Variants in ADCY3 observed in about 807,000 individuals in gnomAD.
ADCY3 encodes adenylate cyclase 3.
Under a neutral mutation model 119.4 loss-of-function variants are expected in ADCY3, and 70 were observed. That is an observed-to-expected ratio of 0.59 (90% confidence interval 0.48 to 0.72). The LOEUF is 0.72. Among genes scored for constraint, ADCY3 ranks in the 30% least tolerant of loss-of-function variants. The probability of loss-of-function intolerance (pLI) is 0.00; values close to 1 mark genes in which losing one functional copy is unlikely to be tolerated. For missense variants in ADCY3, 1,238 were observed against 1,541.6 expected, an observed-to-expected ratio of 0.80 and a Z score of 3.30; for synonymous variants, 672 against 621.4, an observed-to-expected ratio of 1.08 and a Z score of -1.21.
chr2:24,841,278 C>A lies in ADCY3; in HGVS notation c.1177G>T (p.Ala393Ser). 1 of 1,565,896 alleles carries A rather than the reference C, an allele frequency of 6.4e-7. No individual in the cohort carries two copies. The highest frequency in any genetic ancestry group is 8.7e-7 in the Non-Finnish European group (1 of 1,155,684). Reference sequence around the variant, plus strand: ...ACTTACGAGATGGCCTCCACCATGGCCAGCCCCATGAGGATGGAGCAGACG... The same window carrying A: ...ACTTACGAGATGGCCTCCACCATGGACAGCCCCATGAGGATGGAGCAGACG... ...HAVCSILMGL[A>S]MVEAISYVRE... The change falls in exon 6 of 22, where the codon GCC becomes TCC. Residue 393 changes from alanine (A) to serine (S), a missense_variant. Around this residue, in one of 7 missense-constraint regions of ADCY3, gnomAD observed 283 missense variants for 437.2 expected, o/e 0.65. Transcript: ENST00000679454. This position sits in a 1 kb window ranked among gnomAD's most constrained non-coding sequence, Gnocchi z 5.8.
intron 11 of ADCY3, chr2:24,832,230 G>A (rs115834792): frequency 0.032 from 5,233 of 162,976 alleles, 252 homozygotes; most frequent in African/African-American, 0.12. Context: ...GCCTGGGAGC[G>A]GGCCACTCTC....
At chr2:24,903,914 T>C (rs1679185419) in intron 2 of ADCY3, among the ~76,000 whole-genome samples, 1 of 152,098 alleles carries the variant, frequency 6.6e-6, no homozygotes, top group African/African-American at 2.4e-5. Context: ...TAACCCCAGG[T>C]TCTCCATATG....
chr2:24,824,182 G>T (rs1225473368), intron 17 of ADCY3, among the ~76,000 whole-genome samples, 196 bp downstream of exon 17: 1 of 152,208 alleles, frequency 6.6e-6, no homozygotes. Context: ...ACATCACGAT[G>T]CCTACAGCAG....
At chr2:24,890,574 G>A (rs1677543274) in intron 2 of ADCY3, among the ~76,000 whole-genome samples, 1 of 152,192 alleles carries the variant, frequency 6.6e-6, no homozygotes, top group African/African-American at 2.4e-5. Context: ...GTCGTTCAAT[G>A]TATTGGCACA....
intron 16 of ADCY3, among the ~76,000 whole-genome samples, chr2:24,824,913 G>A (rs773509064): frequency 1.2e-4 from 18 of 152,134 alleles, no homozygotes; most frequent in Non-Finnish European, 2.1e-4. Flanking sequence ...AAACAGGAAC[G>A]TGAATGGAGG....
rs1670794524 is a variant in ADCY3 at position 24,839,885 on chromosome 2, C to T, written c.1343G>A (p.Gly448Asp). ...GAATGGCACTCACCCAGGGATGCCG[C>T]CGGCCTCCATCTTGTTGGCTACAGT... The part of the protein sequence containing the change: ...DVTVANKMEA[G>D]GIPGRVHISQ... Residue 448 changes from glycine to aspartate, a missense_variant, in exon 7 of 22, where the codon GGC (glycine) becomes GAC (aspartate). Coordinates refer to ENST00000679454, the MANE Select transcript of ADCY3 (RefSeq NM_004036.5). 1.2e-6 allele frequency: 2 copies of T among 1,613,864 alleles called. No homozygotes were observed. Among genetic ancestry groups the T allele is most frequent in the Non-Finnish European group, 1.7e-6 (2 of 1,180,010 alleles).
rs1028819647 is a variant in ADCY3, at chr2:24,841,904, C to T, written c.957-237G>A. 6.6e-6 allele frequency among the ~76,000 whole-genome samples: 1 copy of T among 152,184 alleles called. No individual in the cohort carries two copies. Among genetic ancestry groups the T allele is most frequent in the African/African-American group, 2.4e-5 (1 of 41,460 alleles). On this transcript the variant is annotated intron_variant, in intron 4 of 21. Transcript: ENST00000679454. The surrounding 1 kb of genome is among the most constrained non-coding windows in gnomAD (Gnocchi z 5.8). ...CCCTCCCTGTGGTGCCTGGGGACCA[C>T]CCCACACTGCCCACTCCTGCCCAGG...
intron 3 of ADCY3, among the ~76,000 whole-genome samples, chr2:24,852,078 T>G (rs1379616145): frequency 6.6e-6 from 1 of 152,106 alleles, no homozygotes; most frequent in Non-Finnish European, 1.5e-5. Flanking sequence ...TGTAACATAG[T>G]AAGGCCCTGA....
chr2:24,865,440 T>C (rs1036054181), intron 3 of ADCY3, among the ~76,000 whole-genome samples: 5 of 150,658 alleles, frequency 3.3e-5, no homozygotes, highest in Non-Finnish European at 5.9e-5. Context: ...AGACTCTGTC[T>C]CAAAAAAAGA....
At chr2:24,822,759 T>G (rs1667970092) in intron 18 of ADCY3, 129 bp from the exon 19 acceptor site, 29 of 1,274,294 alleles carry the variant, frequency 2.3e-5, no homozygotes, top group Non-Finnish European at 3.1e-5. Context: ...AAGTTGTTAC[T>G]TAGTCTACCG....
At chr2:24,829,306 C>T (rs75579321) in intron 13 of ADCY3, among the ~76,000 whole-genome samples, 3 of 151,388 alleles carry the variant, frequency 2.0e-5, no homozygotes, top group Non-Finnish European at 2.9e-5. Context: ...TGTGAGCCAC[C>T]GCGCCCGGCC....
intron 3 of ADCY3, among the ~76,000 whole-genome samples, chr2:24,858,491 G>C (rs1224043156): frequency 6.6e-6 from 1 of 152,210 alleles, no homozygotes; most frequent in African/African-American, 2.4e-5. Context: ...GGAAGTGCCA[G>C]CTGGTAAATG....
chr2:24,832,650 T>G (rs1281217422), intron 11 of ADCY3, among the ~76,000 whole-genome samples: 1 of 152,210 alleles, frequency 6.6e-6, no homozygotes. Flanking sequence ...CTTGGTTTCT[T>G]GAGTCCTTTT....
rs905068059 is a variant in ADCY3 at position 24,834,746 on chromosome 2, A to G, written c.1805+48T>C. 7.5e-6 allele frequency: 12 copies of G among 1,600,812 alleles called. No individual in the cohort carries two copies. The Admixed American group carries it at 1.7e-4, about 22-fold the overall frequency. On this transcript the variant is annotated intron_variant, in intron 10 of 21. Transcript: ENST00000679454. This position sits in a 1 kb window ranked among gnomAD's most constrained non-coding sequence, Gnocchi z 4.2. The stretch of plus-strand genomic sequence containing the variant: ...TGCTCAGTTTCCTGAATCCCTTGTC[A>G]GGGCCCGGGAGGAGTGGTGGGCCTG...
chr2:24,830,874 T>G (rs1669395574), intron 12 of ADCY3, 49 bp from the exon 13 acceptor site: 1 of 1,443,124 alleles, frequency 6.9e-7, no homozygotes, highest in South Asian at 1.2e-5. Context: ...CAGTCCTTTC[T>G]CCTGCGACGT....
chr2:24,853,104 C>T (rs1019445800), intron 3 of ADCY3, among the ~76,000 whole-genome samples: 1 of 147,592 alleles, frequency 6.8e-6, no homozygotes, highest in African/African-American at 2.5e-5. Flanking sequence ...GAAGAGTCTA[C>T]CTACTAAAGG....
intron 3 of ADCY3, among the ~76,000 whole-genome samples, chr2:24,867,301 T>C (rs1674423016): frequency 6.6e-6 from 1 of 152,236 alleles, no homozygotes; most frequent in Non-Finnish European, 1.5e-5. Context: ...CAGCCTAGAA[T>C]TATCTGCAAA....
At position 24,920,174 on chromosome 2, in the gene ADCY3, G is replaced by C. The variant is rs1329869285; in HGVS notation, c.-689C>G. Reference sequence around the variant, plus strand: ...GCGCCGAGCCGAGCCAGCCGAGTCCGGGCTCGGCGTGCTGCACAGCTATTC... The same window carrying C: ...GCGCCGAGCCGAGCCAGCCGAGTCCCGGCTCGGCGTGCTGCACAGCTATTC... On this transcript the variant is annotated 5_prime_UTR_variant, in exon 1 of 22. Coordinates refer to ENST00000679454, the MANE Select transcript of ADCY3 (RefSeq NM_004036.5). This position sits in a 1 kb window ranked among gnomAD's most constrained non-coding sequence, Gnocchi z 4.5. Among the ~76,000 whole-genome samples, 1 of 145,930 alleles carries C rather than the reference G, an allele frequency of 6.9e-6. No individual in the cohort carries two copies. Among genetic ancestry groups the C allele is most frequent in the African/African-American group, 2.5e-5 (1 of 40,640 alleles).
rs1558416178 is a variant in ADCY3 at position 24,830,736 on chromosome 2, G to A, written c.2145C>T (p.Ile715=). The part of the protein sequence containing the change: ...RNTWAMLAIF[I]LVMANVVDML... ...TGTCCACGACATTTGCCATCACCAGGATGAAGATGGCGAGCATGGCCCAGG... is the reference window on the plus strand; with the variant it reads ...TGTCCACGACATTTGCCATCACCAGAATGAAGATGGCGAGCATGGCCCAGG... Residue 715 remains isoleucine, a synonymous_variant, in exon 13 of 22, where the codon ATC becomes ATT. Transcript: ENST00000679454. The A allele has an allele frequency of 1.2e-6, 2 of 1,613,916 alleles. No individual in the cohort carries two copies. The highest frequency in any genetic ancestry group is 1.1e-5 in the South Asian group (1 of 91,066).
Sources: allele counts gnomAD v4.1 joint callset (sites outside exome capture counted in the v4.1 genomes callset), GRCh38; gene constraint gnomAD v4.1.1; regional missense constraint gnomAD v4.1.1; non-coding constraint Gnocchi (gnomAD v3.1); transcripts MANE v1.5; gene names NCBI Gene and HGNC (gene_info 2026-07-23, HGNC 2026-07-21).